The following FAAH2 variants were observed in gnomAD, a reference collection of about 807,000 sequenced individuals.
FAAH2 encodes fatty acid amide hydrolase 2.
Under a neutral mutation model 36.9 loss-of-function variants are expected in FAAH2, and 60 were observed. That is an observed-to-expected ratio of 1.63 (90% CI 1.32 to 2.02). The LOEUF (loss-of-function observed/expected upper bound fraction) is 2.02. Among genes scored for constraint, FAAH2 ranks in the 30% most tolerant of loss-of-function variants. The pLI, the probability that FAAH2 is intolerant of heterozygous loss-of-function variation, is 0.00. For synonymous variants in FAAH2, 214 were observed against 143.8 expected, an observed-to-expected ratio of 1.49 and a Z score of -3.49; for missense variants, 689 against 397.5, an observed-to-expected ratio of 1.73 and a Z score of -6.23.
At chrX:57,394,636 G>A (rs1172363750) in intron 7 of FAAH2, 2 of 1,037,889 alleles carry the variant, frequency 1.9e-6, no homozygotes, top group East Asian at 3.0e-5. Flanking sequence ...CACCAGGAAC[G>A]GGCCTCGTCG....
chrX:57,318,746 G>T (rs1187004323), intron 3 of FAAH2, among the ~76,000 whole-genome samples: 3 of 111,940 alleles, frequency 2.7e-5, no homozygotes, highest in Non-Finnish European at 5.6e-5. Flanking sequence ...CAATATCCTT[G>T]ATGAACATCT....
chrX:57,405,073 T>C (rs979731953), intron 7 of FAAH2, among the ~76,000 whole-genome samples: 2 of 112,106 alleles, frequency 1.8e-5, no homozygotes, highest in East Asian at 5.6e-4. Context: ...GCCATGCTAA[T>C]CGTTTTTAAC....
At chrX:57,137,336 C>G in the FAAH2 span, 1 of 758,295 alleles carries the variant, frequency 1.3e-6, no homozygotes, top group Non-Finnish European at 1.6e-6. Context: ...CTTGCAAGAG[C>G]GGGGAGGGTA....
chrX:57,200,877 A>T, the FAAH2 span, among the ~76,000 whole-genome samples: 1 of 110,401 alleles, frequency 9.1e-6, no homozygotes, highest in Non-Finnish European at 1.9e-5. Flanking sequence ...CCATCTGATG[A>T]TTTTTTATTG....
intron 5 of FAAH2, among the ~76,000 whole-genome samples, chrX:57,377,806 C>T (rs1303190157): frequency 8.9e-6 from 1 of 112,070 alleles, no homozygotes. Flanking sequence ...TGTTTGTGTC[C>T]TCTCTTATTT....
the FAAH2 span, among the ~76,000 whole-genome samples, chrX:57,235,222 CT>C: frequency 9.0e-6 from 1 of 111,139 alleles, no homozygotes; most frequent in African/African-American, 3.3e-5. Flanking sequence ...GGTCAGTGAG[CT>C]GCAATTGTCT....
intron 2 of FAAH2, among the ~76,000 whole-genome samples, chrX:57,305,223 A>G (rs1334437716): frequency 9.0e-6 from 1 of 110,789 alleles, no homozygotes; most frequent in Admixed American, 9.7e-5. Flanking sequence ...CCATATATGT[A>G]TATCTACCTA....
chrX:57,210,759 G>T, the FAAH2 span, among the ~76,000 whole-genome samples: 3 of 112,180 alleles, frequency 2.7e-5, no homozygotes, highest in Non-Finnish European at 5.6e-5. Context: ...GTGAAATAAA[G>T]CAAGAAAAAG....
the FAAH2 span, among the ~76,000 whole-genome samples, chrX:57,221,662 C>A: frequency 9.0e-6 from 1 of 111,475 alleles, no homozygotes; most frequent in African/African-American, 3.3e-5. Context: ...AGTTCCTTAC[C>A]CATATACTTT....
intron 10 of FAAH2, among the ~76,000 whole-genome samples, chrX:57,449,403 A>G (rs1474043137): frequency 8.9e-6 from 1 of 111,759 alleles, no homozygotes. Flanking sequence ...TTGCTCTGCA[A>G]TTTTCTACTT....
intron 7 of FAAH2, among the ~76,000 whole-genome samples, chrX:57,431,286 T>C (rs2056287636): frequency 8.9e-6 from 1 of 111,785 alleles, no homozygotes; most frequent in Non-Finnish European, 1.9e-5. Flanking sequence ...GTCCTAACAA[T>C]GATCAGCAGT....
chrX:57,158,961 A>AT, the FAAH2 span, among the ~76,000 whole-genome samples: 1 of 112,049 alleles, frequency 8.9e-6, no homozygotes, highest in South Asian at 3.7e-4. Flanking sequence ...TTCTTCTAGG[A>AT]TTTTTATGGT....
At chrX:57,288,159 T>C (rs2051864296) in intron 1 of FAAH2, among the ~76,000 whole-genome samples, 1 of 110,251 alleles carries the variant, frequency 9.1e-6, no homozygotes. Flanking sequence ...AATTTTGGAC[T>C]GTCTGTTCAT....
chrX:57,255,458 C>G, the FAAH2 span, among the ~76,000 whole-genome samples: 1 of 111,762 alleles, frequency 8.9e-6, no homozygotes, highest in South Asian at 3.8e-4. Flanking sequence ...AAAAGCCTGG[C>G]AGAGACACAA....
intron 7 of FAAH2, among the ~76,000 whole-genome samples, chrX:57,405,508 G>T (rs1235409365): frequency 9.2e-6 from 1 of 108,507 alleles, no homozygotes; most frequent in Non-Finnish European, 1.9e-5. Flanking sequence ...CAGTAGTGTG[G>T]CAGACACCCT....
At chrX:57,224,979 G>C in the FAAH2 span, among the ~76,000 whole-genome samples, 1 of 112,186 alleles carries the variant, frequency 8.9e-6, no homozygotes, top group African/African-American at 3.2e-5. Flanking sequence ...AGTGGTGTTA[G>C]TTGAAATATC....
the FAAH2 span, among the ~76,000 whole-genome samples, chrX:57,148,259 C>T: frequency 5.4e-5 from 6 of 111,067 alleles, no homozygotes; most frequent in African/African-American, 2.0e-4. Flanking sequence ...TTTTTTGGTT[C>T]CATATGAACT....
intron 5 of FAAH2, among the ~76,000 whole-genome samples, chrX:57,376,079 A>G (rs1040396537): frequency 9.9e-5 from 11 of 111,431 alleles, no homozygotes; most frequent in African/African-American, 3.3e-4. Flanking sequence ...CTGTTTCATT[A>G]TCTTAATCCT....
intron 10 of FAAH2, among the ~76,000 whole-genome samples, chrX:57,471,404 G>C (rs1602781817): frequency 8.9e-6 from 1 of 111,940 alleles, no homozygotes; most frequent in East Asian, 2.8e-4. Context: ...AAAGTCTCAG[G>C]ATACAACATC....
Sources: gnomAD v4.1 joint callset for allele counts (sites outside exome capture counted in the v4.1 genomes callset) on GRCh38, gnomAD v4.1.1 for gene constraint, MANE v1.5 for transcripts, NCBI Gene and HGNC (gene_info 2026-07-23, HGNC 2026-07-21) for gene names.